TCF7L2: variants seen among roughly 807,000 people sequenced by gnomAD.
TCF7L2 encodes the protein transcription factor 7-like 2.
A neutral mutation model predicts 77.9 loss-of-function variants in TCF7L2; 23 were observed. That is an observed-to-expected ratio of 0.30 (90% CI 0.21 to 0.42). The LOEUF (loss-of-function observed/expected upper bound fraction) is 0.42, where lower values mean the gene tolerates loss of function less well. TCF7L2 is among the 10% of genes least tolerant of loss of function. The pLI is 1.00. For synonymous variants in TCF7L2, 413 were observed against 340.2 expected, an observed-to-expected ratio of 1.21 and a Z score of -2.36; for missense variants, 654 against 793.1, an observed-to-expected ratio of 0.82 and a Z score of 2.11.
chr10:113,091,784 T>C (rs1044486534), intron 5 of TCF7L2, among the ~76,000 whole-genome samples: 2 of 152,198 alleles, frequency 1.3e-5, no homozygotes, highest in African/African-American at 4.8e-5. Context: ...ATCTTGCATG[T>C]TCTTGGGCCA....
intron 4 of TCF7L2, among the ~76,000 whole-genome samples, chr10:113,013,867 CTTTT>C (rs2046878315): frequency 6.6e-6 from 1 of 151,994 alleles, no homozygotes; most frequent in African/African-American, 2.4e-5. Flanking sequence ...CCCCATGACT[CTTTT>C]TTGGCTATTG....
intron 5 of TCF7L2, among the ~76,000 whole-genome samples, chr10:113,080,658 C>G (rs989575052): frequency 3.9e-5 from 6 of 152,158 alleles, no homozygotes; most frequent in African/African-American, 1.4e-4. Context: ...TCATTAAAGC[C>G]ATTTCAATTT....
chr10:112,964,285 C>A (rs2035988139), intron 3 of TCF7L2, among the ~76,000 whole-genome samples: 1 of 152,110 alleles, frequency 6.6e-6, no homozygotes, highest in Admixed American at 6.6e-5. Flanking sequence ...CTTTTCATGT[C>A]ATTGATTCTC....
intron 5 of TCF7L2, among the ~76,000 whole-genome samples, chr10:113,071,149 G>T (rs2057957288): frequency 6.6e-6 from 1 of 152,088 alleles, no homozygotes. Flanking sequence ...CTGTTCTCTT[G>T]CTTCCTTCCA....
At chr10:112,963,020 T>C (rs985345954) in intron 3 of TCF7L2, among the ~76,000 whole-genome samples, 3 of 152,226 alleles carry the variant, frequency 2.0e-5, no homozygotes, top group Admixed American at 6.5e-5. Flanking sequence ...AGGGTTTTTT[T>C]CCCACCTACT....
At chr10:112,991,893 G>A (rs1379306274) in intron 4 of TCF7L2, among the ~76,000 whole-genome samples, 1 of 152,220 alleles carries the variant, frequency 6.6e-6, no homozygotes, top group Non-Finnish European at 1.5e-5. Context: ...GGTGGAATGA[G>A]CCACATACAG....
chr10:113,085,314 C>T (rs756049871), intron 5 of TCF7L2, among the ~76,000 whole-genome samples: 3 of 151,864 alleles, frequency 2.0e-5, no homozygotes, highest in Admixed American at 1.3e-4. Context: ...AAGCAGTCCT[C>T]CAGCCTTGGC....
intron 4 of TCF7L2, among the ~76,000 whole-genome samples, chr10:113,028,237 G>A (rs2049555481): frequency 6.6e-6 from 1 of 152,180 alleles, no homozygotes; most frequent in African/African-American, 2.4e-5. Flanking sequence ...CCATAATCCT[G>A]GGTTAGGAGT....
chr10:113,154,047 C>T (rs1564974063), intron 11 of TCF7L2, among the ~76,000 whole-genome samples: 1 of 152,198 alleles, frequency 6.6e-6, no homozygotes, highest in Non-Finnish European at 1.5e-5. Context: ...TGGGATGGCG[C>T]GTGTGCTCTG....
chr10:112,969,983 G>A (rs1193618671), intron 4 of TCF7L2, among the ~76,000 whole-genome samples: 5 of 152,278 alleles, frequency 3.3e-5, no homozygotes, highest in East Asian at 3.9e-4. Context: ...CACAGAAGAT[G>A]TTTCCCTTGG....
chr10:113,000,933 C>T (rs1302291893), intron 4 of TCF7L2, among the ~76,000 whole-genome samples: 1 of 152,236 alleles, frequency 6.6e-6, no homozygotes. Context: ...CCCGGCCTTC[C>T]ACTGCAGTCT....
At chr10:113,017,979 G>A (rs2047627707) in intron 4 of TCF7L2, among the ~76,000 whole-genome samples, 1 of 152,186 alleles carries the variant, frequency 6.6e-6, no homozygotes. Context: ...GCTGGAGAGA[G>A]CAGAGTAAGG....
intron 5 of TCF7L2, among the ~76,000 whole-genome samples, chr10:113,140,808 C>T (rs948425989): frequency 1.3e-5 from 2 of 151,988 alleles, no homozygotes; most frequent in East Asian, 1.9e-4. Context: ...GGAGGTGGGG[C>T]CTTGGGGTAG....
intron 4 of TCF7L2, among the ~76,000 whole-genome samples, chr10:112,995,082 CAA>C (rs1355819518): frequency 1.3e-5 from 2 of 152,170 alleles, no homozygotes; most frequent in African/African-American, 2.4e-5. Flanking sequence ...GCCTGGGCAA[CAA>C]GAGCGAAACT....
intron 4 of TCF7L2, among the ~76,000 whole-genome samples, chr10:113,022,470 C>T (rs1361849064): frequency 6.6e-6 from 1 of 152,154 alleles, no homozygotes; most frequent in East Asian, 1.9e-4. Flanking sequence ...TTCCACTTCA[C>T]CAGAAAGCTG....
At chr10:113,153,538 A>G (rs1166140829) in intron 11 of TCF7L2, among the ~76,000 whole-genome samples, 1 of 152,174 alleles carries the variant, frequency 6.6e-6, no homozygotes, top group Non-Finnish European at 1.5e-5. Flanking sequence ...AGGTCGTTAA[A>G]TTATTACTGA....
chr10:113,097,431 T>A (rs2135794118), intron 5 of TCF7L2, among the ~76,000 whole-genome samples: 2 of 152,124 alleles, frequency 1.3e-5, no homozygotes, highest in South Asian at 4.2e-4. Context: ...GGCGGGTGAA[T>A]CACCTGAGGT....
At chr10:112,986,032 G>A (rs2041468414) in intron 4 of TCF7L2, among the ~76,000 whole-genome samples, 1 of 152,066 alleles carries the variant, frequency 6.6e-6, no homozygotes, top group African/African-American at 2.4e-5. Flanking sequence ...GAGTAAAGAA[G>A]TAGTGGGGAA....
At chr10:113,071,888 G>A (rs994854608) in intron 5 of TCF7L2, among the ~76,000 whole-genome samples, 2 of 152,238 alleles carry the variant, frequency 1.3e-5, no homozygotes, top group African/African-American at 4.8e-5. Flanking sequence ...TCAGGGGCTG[G>A]CTGGGACTGT....
Sources: gnomAD v4.1 joint callset for allele counts (sites outside exome capture counted in the v4.1 genomes callset) on GRCh38, gnomAD v4.1.1 for gene constraint, MANE v1.5 for transcripts, NCBI Gene and HGNC (gene_info 2026-07-23, HGNC 2026-07-21) for gene names.